Variants in SMARCC1 observed in about 807,000 individuals in gnomAD.
The protein encoded by SMARCC1 is SWI/SNF related BAF chromatin remodeling complex subunit C1, also known as SWI/SNF complex subunit SMARCC1.
Under a neutral mutation model 147.4 loss-of-function variants are expected in SMARCC1, and 43 were observed. That is an observed-to-expected ratio of 0.29 (90% CI 0.23 to 0.38). The LOEUF is 0.38. SMARCC1 is among the 10% of genes least tolerant of loss of function. The pLI is 1.00. For synonymous variants in SMARCC1, 495 were observed against 484.4 expected (o/e 1.02, Z -0.29); for missense variants, 1,119 against 1,381.1 (o/e 0.81, Z 3.01).
At chr3:47,737,581 T>C (rs1288288625) in intron 4 of SMARCC1, among the ~76,000 whole-genome samples, 1 of 152,006 alleles carries the variant, frequency 6.6e-6, no homozygotes, top group African/African-American at 2.4e-5. Context: ...TTCAGAACAT[T>C]TTCTTCCTTT....
chr3:47,663,888 C>A lies in SMARCC1; in HGVS notation c.1900-1296G>T. On this transcript the variant is annotated intron_variant, in intron 19 of 27. Transcript: ENST00000254480. Reference sequence around the variant, plus strand: ...GCCGCCCAGGGTTTCACGGTCACAGCCATCTTGCTGGGTCTAGCTGTCACC... The same window carrying A: ...GCCGCCCAGGGTTTCACGGTCACAGACATCTTGCTGGGTCTAGCTGTCACC... 7.3e-6 allele frequency: 11 copies of A among 1,501,000 alleles called. No individual in the cohort carries two copies. The South Asian group carries it at 1.2e-4, about 17-fold the overall frequency. The allele number at this position is 1,501,000 out of a possible 1,614,324, so 93.0% of individuals were successfully genotyped here. A position where few individuals can be genotyped will look rare whatever the true frequency, so the allele number is the denominator to read the frequency against.
At chr3:47,764,510 A>C (rs1475102370) in intron 2 of SMARCC1, among the ~76,000 whole-genome samples, 1 of 152,234 alleles carries the variant, frequency 6.6e-6, no homozygotes, top group Non-Finnish European at 1.5e-5. Flanking sequence ...ACGAATCCAC[A>C]TGGTACGGAG....
intron 13 of SMARCC1, 101 bp downstream of exon 13, chr3:47,689,286 A>C: frequency 1.1e-6 from 1 of 941,502 alleles, no homozygotes; most frequent in Non-Finnish European, 1.7e-6. Context: ...GAAGGGCTTC[A>C]TAGTCCAAAA....
intron 27 of SMARCC1, 21 bp downstream of exon 27, chr3:47,590,640 T>TCC (rs1205622545): frequency 6.7e-7 from 1 of 1,490,786 alleles, no homozygotes; most frequent in Non-Finnish European, 8.9e-7. Context: ...AGATAATGCA[T>TCC]CCCCCCTCCA....
chr3:47,672,281 C>T, intron 18 of SMARCC1, among the ~76,000 whole-genome samples: 1 of 152,006 alleles, frequency 6.6e-6, no homozygotes. Context: ...GTGGCACGAT[C>T]TTGGCTCACC....
At chr3:47,764,341 T>C (rs2034810332) in intron 2 of SMARCC1, among the ~76,000 whole-genome samples, 1 of 152,096 alleles carries the variant, frequency 6.6e-6, no homozygotes, top group Non-Finnish European at 1.5e-5. Context: ...CAGCTAAATA[T>C]GTACTGTTCA....
chr3:47,757,495 A>C (rs1462556001), intron 2 of SMARCC1, among the ~76,000 whole-genome samples: 1 of 152,102 alleles, frequency 6.6e-6, no homozygotes, highest in African/African-American at 2.4e-5. Context: ...CAGAACGCTC[A>C]GCCAGGTGTG....
chr3:47,742,079 A>C (rs1360040052), intron 3 of SMARCC1, among the ~76,000 whole-genome samples: 1 of 152,084 alleles, frequency 6.6e-6, no homozygotes, highest in Non-Finnish European at 1.5e-5. Flanking sequence ...TCCTTTTAGA[A>C]GTTTGCTTCT....
At position 47,772,862 on chromosome 3, in the gene SMARCC1, A is replaced by T. The variant is rs777586990; in HGVS notation, c.270T>A (p.Asp90Glu). The change falls in exon 2 of 28, where the codon GAT becomes GAA. Residue 90 changes from aspartate (D) to glutamate (E), a missense_variant. Physicochemically the swap from Asp to Glu is conservative, Grantham distance 45. Transcript: ENST00000254480. ...GGTTGGTGACATGCTTCCCAAAGGCATCTTCCTGGAACTGAAGAAGCTGCA... is the reference window on the plus strand; with the variant it reads ...GGTTGGTGACATGCTTCCCAAAGGCTTCTTCCTGGAACTGAAGAAGCTGCA... ...LVVQLLQFQE[D>E]AFGKHVTNPA... 2 of 1,613,688 alleles carry T rather than the reference A, an allele frequency of 1.2e-6. No individual in the cohort carries two copies. Among genetic ancestry groups the T allele is most frequent in the Admixed American group, 1.7e-5 (1 of 59,970 alleles).
intron 2 of SMARCC1, among the ~76,000 whole-genome samples, chr3:47,768,582 TTA>T (rs1181578447): frequency 4.6e-5 from 7 of 152,196 alleles, no homozygotes; most frequent in African/African-American, 2.4e-5. Flanking sequence ...TTACTCTAAA[TTA>T]TGTTACAATT....
chr3:47,706,623 C>A, intron 9 of SMARCC1, 93 bp from the exon 10 acceptor site: 1 of 1,152,796 alleles, frequency 8.7e-7, no homozygotes, highest in Non-Finnish European at 1.2e-6. Context: ...CACACAAAGA[C>A]AACAGCATAT....
chr3:47,650,298 A>ATTATTATT (rs1553679570), intron 21 of SMARCC1, among the ~76,000 whole-genome samples: 3 of 141,068 alleles, frequency 2.1e-5, no homozygotes, highest in South Asian at 2.2e-4. Context: ...TAATAATAAT[A>ATTATTATT]ATTATTATTA....
chr3:47,598,003 TAG>T (rs898222164), intron 26 of SMARCC1, among the ~76,000 whole-genome samples: 11 of 152,162 alleles, frequency 7.2e-5, no homozygotes, highest in African/African-American at 2.7e-4. Flanking sequence ...GAGTTTCAAA[TAG>T]AGCAGTGGCA....
intron 5 of SMARCC1, 87 bp downstream of exon 5, chr3:47,735,947 T>A (rs1480018821): frequency 1.7e-6 from 1 of 577,062 alleles, no homozygotes; most frequent in Non-Finnish European, 2.9e-6. Context: ...ATCCAAAACA[T>A]TACTATGGTT....
At chr3:47,663,444 A>G (rs2033378183) in intron 19 of SMARCC1, among the ~76,000 whole-genome samples, 1 of 152,150 alleles carries the variant, frequency 6.6e-6, no homozygotes, top group Non-Finnish European at 1.5e-5. Flanking sequence ...GGAAGAAAAA[A>G]GTATTTAAAA....
At chr3:47,699,571 T>C (rs903720341) in intron 11 of SMARCC1, among the ~76,000 whole-genome samples, 1 of 152,090 alleles carries the variant, frequency 6.6e-6, no homozygotes, top group Non-Finnish European at 1.5e-5. Context: ...CTTATACATA[T>C]GTATATTGCC....
In SMARCC1 at chr3:47,631,239, G is replaced by A. The variant is rs568446904; in HGVS notation, c.2646+3951C>T. 1.1e-4 allele frequency among the ~76,000 whole-genome samples: 16 copies of A among 152,296 alleles called. 1 individual carries two copies. Among genetic ancestry groups the A allele is most frequent in the African/African-American group, 1.9e-4 (8 of 41,556 alleles). On this transcript the variant is annotated intron_variant, in intron 24 of 27. Coordinates refer to ENST00000254480, the MANE Select transcript of SMARCC1 (RefSeq NM_003074.4). Reference sequence around the variant, plus strand: ...ATTTCTAGGGGGTAAGAGTCTTCCCGTTGTCCCAGAGCTAATACCCAATTA... The same window carrying A: ...ATTTCTAGGGGGTAAGAGTCTTCCCATTGTCCCAGAGCTAATACCCAATTA...
intron 5 of SMARCC1, among the ~76,000 whole-genome samples, chr3:47,733,385 G>A (rs897740429): frequency 7.3e-5 from 11 of 151,208 alleles, no homozygotes; most frequent in African/African-American, 1.9e-4. Context: ...AGCTTGAGGC[G>A]AGCCTAGGGA....
intron 18 of SMARCC1, among the ~76,000 whole-genome samples, chr3:47,674,368 C>T (rs778677347): frequency 6.6e-6 from 1 of 152,170 alleles, no homozygotes; most frequent in South Asian, 2.1e-4. Flanking sequence ...TGCCTACAAA[C>T]GTCTTTATTT....
Sources: gnomAD v4.1 joint callset for allele counts (sites outside exome capture counted in the v4.1 genomes callset) on GRCh38, gnomAD v4.1.1 for gene constraint, MANE v1.5 for transcripts, NCBI Gene and HGNC (gene_info 2026-07-23, HGNC 2026-07-21) for gene names.